Variants in SMARCD3 observed in about 807,000 individuals in gnomAD.
The protein encoded by SMARCD3 is SWI/SNF-related matrix-associated actin-dependent regulator of chromatin subfamily D member 3.
In SMARCD3, 14 loss-of-function variants were observed where a neutral mutation model predicts 58.0. That is an observed-to-expected ratio of 0.24 (90% CI 0.16 to 0.38). The LOEUF is 0.38. Among genes scored for constraint, SMARCD3 ranks in the 10% least tolerant of loss-of-function variants. The pLI, the probability that SMARCD3 is intolerant of heterozygous loss-of-function variation, is 1.00. For synonymous variants in SMARCD3, 253 were observed against 253.8 expected, an observed-to-expected ratio of 1.00 and a Z score of 0.03; for missense variants, 408 against 636.9, an observed-to-expected ratio of 0.64 and a Z score of 3.87.
At chr7:151,274,426 C>T (rs1424313512) in intron 2 of SMARCD3, among the ~76,000 whole-genome samples, 1 of 152,264 alleles carries the variant, frequency 6.6e-6, no homozygotes, top group Non-Finnish European at 1.5e-5. Flanking sequence ...CTTCCTCTCA[C>T]TCCTTGAGGA....
chr7:151,263,163 G>C (rs1009655221), intron 2 of SMARCD3, among the ~76,000 whole-genome samples: 5 of 152,144 alleles, frequency 3.3e-5, no homozygotes, highest in African/African-American at 9.7e-5. Flanking sequence ...TTTCATCCAG[G>C]TAGCCTGTGT....
intron 2 of SMARCD3, among the ~76,000 whole-genome samples, chr7:151,262,950 A>G (rs979026698): frequency 3.9e-5 from 6 of 152,336 alleles, no homozygotes; most frequent in Middle Eastern, 3.4e-3. Context: ...AGAGCCCAGC[A>G]GGCTAAAACT....
At chr7:151,244,047 C>CA (rs1464560808) in intron 2 of SMARCD3, among the ~76,000 whole-genome samples, 1 of 152,136 alleles carries the variant, frequency 6.6e-6, no homozygotes, top group African/African-American at 2.4e-5. Context: ...TGAGGGAGGA[C>CA]AAAGGAGAGG....
intron 2 of SMARCD3, among the ~76,000 whole-genome samples, chr7:151,244,775 AAAAG>A (rs1563657169): frequency 6.6e-6 from 1 of 152,236 alleles, no homozygotes; most frequent in Non-Finnish European, 1.5e-5. Context: ...GTTGTGCAAA[AAAAG>A]CATGTGTATT....
chr7:151,260,970 C>T (rs1297490566), intron 2 of SMARCD3, among the ~76,000 whole-genome samples: 1 of 152,208 alleles, frequency 6.6e-6, no homozygotes, highest in African/African-American at 2.4e-5. Context: ...ACACTAGTAA[C>T]TCAGCAGACT....
rs1803221005 is a variant in SMARCD3, at chr7:151,245,606, G to A, written c.144C>T (p.Ser48=). Residue 48 remains serine, a synonymous_variant, in exon 2 of 13, where the codon TCC becomes TCT. Coordinates refer to ENST00000262188, the MANE Select transcript of SMARCD3 (RefSeq NM_001003801.2). The surrounding 1 kb of genome is among the most constrained non-coding windows in gnomAD (Gnocchi z 6.2). The part of the protein sequence containing the change: ...HQGAPMGPPG[S]PYMGSPAVRP... Reference sequence around the variant, plus strand: ...GCACGGCGGGGCTGCCCATGTACGGGGAGCCCGGGGGGCCCATGGGCGCCC... The same window carrying A: ...GCACGGCGGGGCTGCCCATGTACGGAGAGCCCGGGGGGCCCATGGGCGCCC... 1.7e-6 allele frequency: 2 copies of A among 1,181,790 alleles called. No individual in the cohort carries two copies. The highest frequency in any genetic ancestry group is 2.1e-6 in the Non-Finnish European group (2 of 942,976). 73.2% of individuals were successfully genotyped at this position (1,181,790 alleles called of 1,614,324 possible).
chr7:151,239,993 T>TC lies in SMARCD3; in HGVS notation c.1173+118_1173+119insG. 9 of 1,083,182 alleles carry TC rather than the reference T, an allele frequency of 8.3e-6. No homozygotes were observed. The highest frequency in any genetic ancestry group is 1.3e-6 in the Non-Finnish European group (1 of 774,130). The allele number at this position is 1,083,182 out of a possible 1,614,324, so 67.1% of individuals were successfully genotyped here. ...ATTGGCCCAGAGTCTGGTCTCTTTT[T>TC]TTTTTTTTTTTTTAATTTAACCCAG... On this transcript the variant is annotated intron_variant, in intron 10 of 12. Transcript: ENST00000262188. The surrounding 1 kb of genome is among the most constrained non-coding windows in gnomAD (Gnocchi z 7.0).
chr7:151,239,574 C>T lies in SMARCD3; in HGVS notation c.1296+50G>A. 6.8e-6 allele frequency: 11 copies of T among 1,613,320 alleles called. No homozygotes were observed. The highest frequency in any genetic ancestry group is 9.3e-6 in the Non-Finnish European group (11 of 1,179,442). On this transcript the variant is annotated intron_variant, in intron 11 of 12. Coordinates refer to ENST00000262188, the MANE Select transcript of SMARCD3 (RefSeq NM_001003801.2). This position sits in a 1 kb window ranked among gnomAD's most constrained non-coding sequence, Gnocchi z 7.0. The stretch of plus-strand genomic sequence containing the variant: ...CTGGAGTACAACGTTTACTCTCTTT[C>T]CCGCTGTGCTTGTCTTCCACTCCAG...
Position 151,241,435 on chromosome 7 carries a change from C to T in SMARCD3, c.939+57G>A. The T allele has an allele frequency of 6.8e-6, 10 of 1,475,194 alleles. No homozygotes were observed. The highest frequency in any genetic ancestry group is 9.4e-6 in the Non-Finnish European group (10 of 1,066,026). The allele number at this position is 1,475,194 out of a possible 1,614,324, so 91.4% of individuals were successfully genotyped here. A position where few individuals can be genotyped will look rare whatever the true frequency, so the allele number is the denominator to read the frequency against. ...GGTAGTTACCTTGGTAGAGGTACTT[C>T]CCCTGCTGGAGAACTCCGCCTGCTC... On this transcript the variant is annotated intron_variant, in intron 8 of 12. Coordinates refer to ENST00000262188, the MANE Select transcript of SMARCD3 (RefSeq NM_001003801.2). The surrounding 1 kb of genome is among the most constrained non-coding windows in gnomAD (Gnocchi z 5.3).
rs1480400244 is a variant in SMARCD3 at position 151,245,238 on chromosome 7, G to A, written c.290+222C>T. Among the ~76,000 whole-genome samples, 3 of 72 alleles carry A rather than the reference G, an allele frequency of 0.042. No individual in the cohort carries two copies. The highest frequency in any genetic ancestry group is 0.1 in the African/African-American group (1 of 10). The allele number at this position is 72 out of a possible 152,430, so 0.0% of individuals were successfully genotyped here. A position where few individuals can be genotyped will look rare whatever the true frequency, so the allele number is the denominator to read the frequency against. On this transcript the variant is annotated intron_variant, in intron 2 of 12. Coordinates refer to ENST00000262188, the MANE Select transcript of SMARCD3 (RefSeq NM_001003801.2). This position sits in a 1 kb window ranked among gnomAD's most constrained non-coding sequence, Gnocchi z 6.2. ...GGGGAGCGTGCAGGGAAGCGGTACC[G>A]GCTGCCGACGCCGCAGCCTGTCTCT...
At chr7:151,272,352 C>T (rs1370388026) in intron 2 of SMARCD3, among the ~76,000 whole-genome samples, 1 of 152,182 alleles carries the variant, frequency 6.6e-6, no homozygotes. Context: ...GTTTTCTCTA[C>T]TCTATCTCTG....
Position 151,275,131 on chromosome 7 carries a change from G to T in SMARCD3, c.22C>A (p.Pro8Thr), listed in dbSNP as rs140745398. ...GCACCTACCTGTACCACGGTGGGTG[G>T]GTGCTGAAGACCTGGAGTCATAGAT... The change falls in exon 2 of 14, where the codon CCA (proline) becomes ACA (threonine). Residue 8 changes from proline to threonine, a missense_variant. Pro to Thr is a conservative substitution (Grantham distance 38, BLOSUM62 -1). Coordinates refer to the SMARCD3 transcript ENST00000356800. 2,610 of 1,612,226 alleles carry T rather than the reference G, an allele frequency of 1.6e-3. 29 individuals are homozygous for T. The African/African-American group carries it at 0.03, about 18-fold the overall frequency.
chr7:151,251,386 C>T (rs987469729), upstream of SMARCD3, among the ~76,000 whole-genome samples: 1 of 152,218 alleles, frequency 6.6e-6, no homozygotes, highest in Admixed American at 6.5e-5. Flanking sequence ...TCTGCACACA[C>T]AGGCACACCT....
In SMARCD3 at chr7:151,239,541, A is replaced by G. The variant is rs2150588164; in HGVS notation, c.1297-44T>C. 1.2e-6 allele frequency: 2 copies of G among 1,608,698 alleles called. No homozygotes were observed. The highest frequency in any genetic ancestry group is 1.7e-6 in the Non-Finnish European group (2 of 1,175,638). On this transcript the variant is annotated intron_variant, in intron 11 of 12. Transcript: ENST00000262188. The surrounding 1 kb of genome is among the most constrained non-coding windows in gnomAD (Gnocchi z 7.0). ...TGAGCCCTGAGCCCTGAATCCCCTC[A>G]CCTGCCCCTGGAGTACAACGTTTAC...
chr7:151,239,018 AGAGGAGTGATGCTGGAGCCCGGG>A lies in SMARCD3; in HGVS notation c.*62_*84del. 1 of 1,343,004 alleles carries A rather than the reference AGAGGAGTGATGCTGGAGCCCGGG, an allele frequency of 7.4e-7. No homozygotes were observed. The highest frequency in any genetic ancestry group is 1.2e-5 in the South Asian group (1 of 85,674). 83.2% of individuals were successfully genotyped at this position (1,343,004 alleles called of 1,614,324 possible). On this transcript the variant is annotated 3_prime_UTR_variant, in exon 13 of 13. Coordinates refer to ENST00000262188, the MANE Select transcript of SMARCD3 (RefSeq NM_001003801.2). The surrounding 1 kb of genome is among the most constrained non-coding windows in gnomAD (Gnocchi z 7.0). ...ATCCAGCCCCACACCCCAAGGTGGC[AGAGGAGTGATGCTGGAGCCCGGG>A]GCAAAATGCTGGGGCCCGGGACACG...
chr7:151,239,710 T>C lies in SMARCD3; in HGVS notation c.1210A>G (p.Ile404Val). Residue 404 changes from isoleucine (I) to valine (V), a missense_variant, in exon 11 of 13, where the codon ATC (isoleucine) becomes GTC (valine). Physicochemically the swap from Ile to Val is conservative, Grantham distance 29 (BLOSUM62 3). This residue lies in a region of SMARCD3 where 81 missense variants were observed against 109.7 expected (regional missense o/e 0.74). Transcript: ENST00000262188. The surrounding 1 kb of genome is among the most constrained non-coding windows in gnomAD (Gnocchi z 7.0). ...AAGCTTAGCATGAAGTCCCTCTGGATCTTGAGCTGGTTTATGGACTCAATC... is the reference window on the plus strand; with the variant it reads ...AAGCTTAGCATGAAGTCCCTCTGGACCTTGAGCTGGTTTATGGACTCAATC... The part of the protein sequence containing the change: ...ETIESINQLK[I>V]QRDFMLSFSR... 6 of 1,613,870 alleles carry C rather than the reference T, an allele frequency of 3.7e-6. No individual in the cohort carries two copies. Among genetic ancestry groups the C allele is most frequent in the Non-Finnish European group, 4.2e-6 (5 of 1,179,862 alleles).
intron 2 of SMARCD3, among the ~76,000 whole-genome samples, chr7:151,273,436 C>A (rs1220373296): frequency 6.6e-6 from 1 of 152,244 alleles, no homozygotes. Flanking sequence ...CGTGGGGGAC[C>A]ACTTCAGGTG....
At chr7:151,264,107 G>T (rs1804008187) in intron 2 of SMARCD3, among the ~76,000 whole-genome samples, 1 of 148,104 alleles carries the variant, frequency 6.8e-6, no homozygotes, top group Non-Finnish European at 1.5e-5. Flanking sequence ...CACCCAGGCT[G>T]GAGTGCAGTG....
chr7:151,248,422 T>A lies in SMARCD3; in HGVS notation c.78+63A>T. Reference sequence around the variant, plus strand: ...GGAGCGCCCTCCCGGCCCCTCCCGATCAGCCCTCCATTCAGCCCGAGCCAG... The same window carrying A: ...GGAGCGCCCTCCCGGCCCCTCCCGAACAGCCCTCCATTCAGCCCGAGCCAG... On this transcript the variant is annotated intron_variant, in intron 1 of 12. Coordinates refer to ENST00000262188, the MANE Select transcript of SMARCD3 (RefSeq NM_001003801.2). The surrounding 1 kb of genome is among the most constrained non-coding windows in gnomAD (Gnocchi z 6.1). 2 of 1,387,010 alleles carry A rather than the reference T, an allele frequency of 1.4e-6. No homozygotes were observed. Among genetic ancestry groups the A allele is most frequent in the Non-Finnish European group, 2.0e-6 (2 of 982,954 alleles). The allele number at this position is 1,387,010 out of a possible 1,614,324, so 85.9% of individuals were successfully genotyped here. A position where few individuals can be genotyped will look rare whatever the true frequency, so the allele number is the denominator to read the frequency against.
Sources: allele counts gnomAD v4.1 joint callset (sites outside exome capture counted in the v4.1 genomes callset), GRCh38; gene constraint gnomAD v4.1.1; regional missense constraint gnomAD v4.1.1; non-coding constraint Gnocchi (gnomAD v3.1); transcripts MANE v1.5; gene names NCBI Gene and HGNC (gene_info 2026-07-23, HGNC 2026-07-21).